The following TAF4B variants were observed in gnomAD, a reference collection of about 807,000 sequenced individuals.
TAF4B encodes TATA-box binding protein associated factor 4b, also known as transcription initiation factor TFIID subunit 4B.
In TAF4B, 38 loss-of-function variants were observed where a neutral mutation model predicts 86.4. The observed-to-expected ratio is 0.44, with a 90% CI of 0.34 to 0.58. The LOEUF (loss-of-function observed/expected upper bound fraction) is 0.58, where lower values mean the gene tolerates loss of function less well. Among genes scored for constraint, TAF4B ranks in the 20% least tolerant of loss-of-function variants. The pLI is 0.02. For synonymous variants in TAF4B, 388 were observed against 391.2 expected, an observed-to-expected ratio of 0.99 and a Z score of 0.10; for missense variants, 988 against 1,027.6, an observed-to-expected ratio of 0.96 and a Z score of 0.53.
At chr18:26,255,866 T>C in intron 1 of TAF4B, 2 of 1,310,758 alleles carry the variant, frequency 1.5e-6, no homozygotes, top group Non-Finnish European at 2.2e-6. Flanking sequence ...TTTTCTAGTA[T>C]GTGAGATCTA....
chr18:26,285,032 A>G (rs2056493424), intron 6 of TAF4B, among the ~76,000 whole-genome samples: 1 of 151,550 alleles, frequency 6.6e-6, no homozygotes, highest in African/African-American at 2.4e-5. Flanking sequence ...TAGTGGTGCG[A>G]TCACAGCTCA....
chr18:26,371,066 A>G (rs1288069891), intron 14 of TAF4B, among the ~76,000 whole-genome samples: 3 of 151,938 alleles, frequency 2.0e-5, no homozygotes, highest in Admixed American at 1.3e-4. Flanking sequence ...TAAGATTCAG[A>G]TTTATGTTTA....
chr18:26,274,023 T>G (rs564858610), intron 3 of TAF4B, among the ~76,000 whole-genome samples: 1 of 152,338 alleles, frequency 6.6e-6, no homozygotes, highest in East Asian at 1.9e-4. Context: ...ATTTTCTAAA[T>G]TACTGCCTGA....
intron 9 of TAF4B, among the ~76,000 whole-genome samples, chr18:26,309,236 C>A (rs2056828116): frequency 7.9e-6 from 1 of 127,316 alleles, no homozygotes; most frequent in Admixed American, 8.6e-5. Flanking sequence ...AGGGAAAAAA[C>A]CTGACAGTAT....
chr18:26,368,360 A>G (rs2057384824), intron 14 of TAF4B, among the ~76,000 whole-genome samples: 1 of 152,240 alleles, frequency 6.6e-6, no homozygotes, highest in African/African-American at 2.4e-5. Flanking sequence ...TTTTGGGGAC[A>G]AACAGTATTT....
intron 10 of TAF4B, among the ~76,000 whole-genome samples, chr18:26,319,879 C>T (rs1372674162): frequency 6.6e-6 from 1 of 152,164 alleles, no homozygotes. Flanking sequence ...CGTGTGCCAC[C>T]ATGCCTGGCC....
chr18:26,258,067 A>G (rs967647312), intron 1 of TAF4B, among the ~76,000 whole-genome samples: 1 of 152,122 alleles, frequency 6.6e-6, no homozygotes, highest in Admixed American at 6.5e-5. Context: ...CATCCTGGCC[A>G]ACATGGTGAA....
chr18:26,264,734 TA>T (rs1257024729), intron 1 of TAF4B, among the ~76,000 whole-genome samples: 1 of 152,232 alleles, frequency 6.6e-6, no homozygotes, highest in African/African-American at 2.4e-5. Flanking sequence ...TATAGATAGC[TA>T]ATTGACCAGC....
In TAF4B at chr18:26,347,637, A is replaced by G. The variant is rs970076553; in HGVS notation, c.2317-10053A>G. Among the ~76,000 whole-genome samples the G allele has an allele frequency of 7.9e-5, 12 of 152,338 alleles. No individual in the cohort carries two copies. In the East Asian group the frequency reaches 1.7e-3, roughly 22 times the overall value. ...CCATTTAAAAGATACAGACTAGCCA[A>G]ATGGTTAAATAAAACAAGACTCAAC... On this transcript the variant is annotated intron_variant, in intron 13 of 14. Transcript: ENST00000269142.
At chr18:26,358,758 G>A (rs1382795230) in intron 14 of TAF4B, among the ~76,000 whole-genome samples, 2 of 152,154 alleles carry the variant, frequency 1.3e-5, no homozygotes, top group East Asian at 3.9e-4. Flanking sequence ...GGCTTTAGGA[G>A]CAATCATTAG....
intron 14 of TAF4B, among the ~76,000 whole-genome samples, chr18:26,381,074 G>A (rs1206032429): frequency 1.3e-5 from 2 of 152,048 alleles, no homozygotes; most frequent in Non-Finnish European, 2.9e-5. Flanking sequence ...GAGTGCAGTG[G>A]CACAATCATT....
chr18:26,305,292 ATAGT>A (rs1219693485), intron 9 of TAF4B, among the ~76,000 whole-genome samples: 5 of 152,248 alleles, frequency 3.3e-5, no homozygotes, highest in African/African-American at 1.2e-4. Context: ...TGTCTGAGCA[ATAGT>A]TAGTAAAGAG....
At chr18:26,277,908 G>A (rs759266115) in intron 5 of TAF4B, among the ~76,000 whole-genome samples, 3 of 152,198 alleles carry the variant, frequency 2.0e-5, no homozygotes, top group Non-Finnish European at 4.4e-5. Flanking sequence ...AAGCTATCAA[G>A]CTCAGAATAG....
intron 1 of TAF4B, among the ~76,000 whole-genome samples, chr18:26,231,607 C>T (rs1051630915): frequency 5.3e-5 from 8 of 152,082 alleles, no homozygotes; most frequent in Admixed American, 4.6e-4. Context: ...CTGATCTCAG[C>T]CTCCCAAAGT....
chr18:26,388,304 T>C (rs959220873), intron 14 of TAF4B, among the ~76,000 whole-genome samples: 1 of 152,212 alleles, frequency 6.6e-6, no homozygotes, highest in African/African-American at 2.4e-5. Context: ...CAGAAAACTG[T>C]CTTAATTACA....
At chr18:26,370,983 A>G (rs2057402451) in intron 14 of TAF4B, among the ~76,000 whole-genome samples, 1 of 152,204 alleles carries the variant, frequency 6.6e-6, no homozygotes, top group Admixed American at 6.5e-5. Flanking sequence ...GGTCCTGATC[A>G]CACATGTGGG....
chr18:26,324,644 T>G, intron 11 of TAF4B, among the ~76,000 whole-genome samples: 1 of 152,210 alleles, frequency 6.6e-6, no homozygotes, highest in East Asian at 1.9e-4. Flanking sequence ...CTCACTAAGT[T>G]AGCTTGAAGC....
chr18:26,271,231 G>T (rs937702948), intron 3 of TAF4B, among the ~76,000 whole-genome samples: 4 of 152,176 alleles, frequency 2.6e-5, no homozygotes, highest in Non-Finnish European at 5.9e-5. Context: ...TTCCTATTAG[G>T]CTTAGTCTGA....
At position 26,381,100 on chromosome 18, in the gene TAF4B, G is replaced by A. The variant is rs116344871; in HGVS notation, c.2422-8745G>A. Among the ~76,000 whole-genome samples the A allele has an allele frequency of 9.6e-3, 1,459 of 151,870 alleles. 12 individuals carry two copies. Among genetic ancestry groups the A allele is most frequent in the African/African-American group, 0.033 (1,353 of 41,402 alleles). ...CACAATCATTGCTCATTACAGCCTCGACCTCCCAGGTTCAAGCGATCCTCC... is the reference window on the plus strand; with the variant it reads ...CACAATCATTGCTCATTACAGCCTCAACCTCCCAGGTTCAAGCGATCCTCC... On this transcript the variant is annotated intron_variant, in intron 14 of 14. Transcript: ENST00000269142.
Sources: gnomAD v4.1 joint callset for allele counts (sites outside exome capture counted in the v4.1 genomes callset) on GRCh38, gnomAD v4.1.1 for gene constraint, MANE v1.5 for transcripts, NCBI Gene and HGNC (gene_info 2026-07-23, HGNC 2026-07-21) for gene names.